Variants in NIBAN1 observed in about 807,000 individuals in gnomAD.
NIBAN1 encodes protein Niban 1.
NIBAN1 carries 81 observed loss-of-function variants against 75.1 expected under a neutral mutation model. The ratio of observed to expected loss-of-function variants is 1.08; its 90% CI spans 0.90 to 1.30. The LOEUF (loss-of-function observed/expected upper bound fraction) is 1.30. Ranked by LOEUF, NIBAN1 falls within the 50% of genes most tolerant of loss-of-function variation. The pLI, the probability that NIBAN1 is intolerant of heterozygous loss-of-function variation, is 0.00. For synonymous variants in NIBAN1, 436 were observed against 424.8 expected, an observed-to-expected ratio of 1.03 and a Z score of -0.32; for missense variants, 1,133 against 1,128.1, an observed-to-expected ratio of 1.00 and a Z score of -0.06.
At chr1:184,890,789 G>A (rs1375411431) in intron 3 of NIBAN1, among the ~76,000 whole-genome samples, 1 of 152,202 alleles carries the variant, frequency 6.6e-6, no homozygotes, top group African/African-American at 2.4e-5. Flanking sequence ...TGGAAGTACA[G>A]CACTGTGACA....
intron 1 of NIBAN1, among the ~76,000 whole-genome samples, chr1:184,939,801 A>G (rs1658045113): frequency 6.6e-6 from 1 of 152,204 alleles, no homozygotes; most frequent in Non-Finnish European, 1.5e-5. Context: ...AGGGCTCAAT[A>G]GGTGCTAGCT....
rs368817529 is a variant in NIBAN1, at chr1:184,804,710, CT to C, written c.1447-1019del. Among the ~76,000 whole-genome samples the C allele has an allele frequency of 5.9e-3, 849 of 143,766 alleles. 4 individuals are homozygous for C. Among genetic ancestry groups the C allele is most frequent in the Middle Eastern group, 0.026 (7 of 274 alleles). 94.3% of individuals were successfully genotyped at this position (143,766 alleles called of 152,430 possible). On this transcript the variant is annotated intron_variant, in intron 11 of 13. Coordinates refer to ENST00000367511, the MANE Select transcript of NIBAN1 (RefSeq NM_052966.4). Reference sequence around the variant, plus strand: ...CTAAAGCATTTGACACTGACACTATCTTTTTTTTTTTAGTTGCATTGCAATT... The same window carrying C: ...CTAAAGCATTTGACACTGACACTATCTTTTTTTTTTAGTTGCATTGCAATT...
intron 1 of NIBAN1, among the ~76,000 whole-genome samples, chr1:184,942,180 G>A (rs1025298255): frequency 1.3e-5 from 2 of 152,208 alleles, no homozygotes; most frequent in African/African-American, 4.8e-5. Flanking sequence ...AGCTGATAGA[G>A]ATCATAATGA....
At chr1:184,884,942 T>G (rs1371801708) in intron 4 of NIBAN1, 142 bp from the exon 5 acceptor site, 20 of 1,055,776 alleles carry the variant, frequency 1.9e-5, no homozygotes, top group Non-Finnish European at 2.4e-5. Context: ...ATAGGGAAAC[T>G]GGGAGCACTG....
chr1:184,815,047 T>G (rs933869352), intron 9 of NIBAN1, among the ~76,000 whole-genome samples: 3 of 152,228 alleles, frequency 2.0e-5, no homozygotes, highest in Non-Finnish European at 4.4e-5. Flanking sequence ...AGAACCAATA[T>G]TCACTTCCAT....
At chr1:184,829,831 A>G (rs1187165633) in intron 6 of NIBAN1, among the ~76,000 whole-genome samples, 3 of 152,230 alleles carry the variant, frequency 2.0e-5, no homozygotes, top group African/African-American at 7.2e-5. Context: ...AGTGAAAGAA[A>G]AAAGTGAAGC....
intron 2 of NIBAN1, among the ~76,000 whole-genome samples, chr1:184,897,569 C>T (rs1656833650): frequency 6.6e-6 from 1 of 152,076 alleles, no homozygotes; most frequent in African/African-American, 2.4e-5. Flanking sequence ...TAGTTATAAG[C>T]TAACATCTTC....
At chr1:184,901,246 T>G (rs1478328063) in intron 1 of NIBAN1, among the ~76,000 whole-genome samples, 1 of 152,224 alleles carries the variant, frequency 6.6e-6, no homozygotes, top group African/African-American at 2.4e-5. Flanking sequence ...CTTTAATAAT[T>G]ATTACTTGTA....
chr1:184,845,790 GGCGAGGCATT>G (rs1655425905), intron 5 of NIBAN1, among the ~76,000 whole-genome samples: 1 of 85,178 alleles, frequency 1.2e-5, no homozygotes, highest in East Asian at 2.5e-4. Flanking sequence ...GCCGAAGCAG[GGCGAGGCATT>G]GCCTCACCTG....
chr1:184,809,639 G>GTA (rs1289177805), intron 9 of NIBAN1, among the ~76,000 whole-genome samples: 10 of 145,806 alleles, frequency 6.9e-5, no homozygotes, highest in African/African-American at 2.6e-4. Flanking sequence ...ATATGTGTGT[G>GTA]TGTATATATA....
intron 1 of NIBAN1, among the ~76,000 whole-genome samples, chr1:184,971,425 A>C (rs374152494): frequency 1.3e-5 from 2 of 152,106 alleles, no homozygotes; most frequent in South Asian, 4.2e-4. Flanking sequence ...TAATCCCAGC[A>C]CTTTGGGAGG....
At chr1:184,805,685 T>C (rs1654175605) in intron 11 of NIBAN1, among the ~76,000 whole-genome samples, 1 of 152,010 alleles carries the variant, frequency 6.6e-6, no homozygotes, top group Admixed American at 6.6e-5. Flanking sequence ...GTTTGTCGAG[T>C]TGGATCTCTA....
chr1:184,953,190 A>G (rs1319079896), intron 1 of NIBAN1, among the ~76,000 whole-genome samples: 3 of 152,158 alleles, frequency 2.0e-5, no homozygotes, highest in African/African-American at 2.4e-5. Context: ...CGGAGGTACT[A>G]TTATCCCCAC....
intron 1 of NIBAN1, among the ~76,000 whole-genome samples, chr1:184,937,848 T>C (rs931736470): frequency 6.6e-6 from 1 of 152,146 alleles, no homozygotes; most frequent in African/African-American, 2.4e-5. Flanking sequence ...AACAGCTACG[T>C]GAGAAGTAAA....
intron 1 of NIBAN1, among the ~76,000 whole-genome samples, chr1:184,960,444 C>A (rs929186269): frequency 6.6e-6 from 1 of 152,016 alleles, no homozygotes; most frequent in Non-Finnish European, 1.5e-5. Context: ...AAAATTTTTT[C>A]TTCTCCTTTC....
At chr1:184,910,656 T>A (rs185722548) in intron 1 of NIBAN1, among the ~76,000 whole-genome samples, 1 of 152,298 alleles carries the variant, frequency 6.6e-6, no homozygotes, top group East Asian at 1.9e-4. Flanking sequence ...GGCAAAAAGA[T>A]GTTTTGATGA....
chr1:184,943,965 G>C (rs193000553), intron 1 of NIBAN1, among the ~76,000 whole-genome samples: 3 of 152,272 alleles, frequency 2.0e-5, no homozygotes, highest in African/African-American at 7.2e-5. Context: ...GGATGATCTT[G>C]CAAAAAGACA....
chr1:184,798,197 A>G lies in NIBAN1; in HGVS notation c.1555-7T>C. 6.4e-7 allele frequency: 1 copy of G among 1,566,490 alleles called. No homozygotes were observed. The highest frequency in any genetic ancestry group is 8.7e-7 in the Non-Finnish European group (1 of 1,143,308). On this transcript the variant is annotated splice_polypyrimidine_tract_variant and splice_region_variant and intron_variant, in intron 12 of 13. Transcript: ENST00000367511. ...GCTCGTATTTCTGAAGCTCCTGGAG[A>G]GCAAGAGATTAGAAGATAAAGATGA... is the stretch of plus-strand genomic sequence containing the variant.
At chr1:184,841,650 A>G (rs1655290932) in intron 5 of NIBAN1, among the ~76,000 whole-genome samples, 1 of 152,216 alleles carries the variant, frequency 6.6e-6, no homozygotes, top group African/African-American at 2.4e-5. Context: ...CAGATACTAG[A>G]ACCAGGGTTG....
Sources: gnomAD v4.1 joint callset for allele counts (sites outside exome capture counted in the v4.1 genomes callset) on GRCh38, gnomAD v4.1.1 for gene constraint, MANE v1.5 for transcripts, NCBI Gene and HGNC (gene_info 2026-07-23, HGNC 2026-07-21) for gene names.